SH3D19: variants seen among roughly 807,000 people sequenced by gnomAD.
SH3D19 encodes SH3 domain-containing protein 19.
SH3D19 carries 58 observed loss-of-function variants against 112.1 expected under a neutral mutation model. That is an observed-to-expected ratio of 0.52 (90% CI 0.42 to 0.64). The LOEUF is 0.64. SH3D19 is among the 30% of genes least tolerant of loss of function. The pLI is 0.00. For missense variants in SH3D19, 1,090 were observed against 1,263.4 expected (o/e 0.86, Z 2.08); for synonymous variants, 391 against 448.5 (o/e 0.87, Z 1.62).
At chr4:151,234,090 G>A (rs1470710886) in intron 1 of SH3D19, among the ~76,000 whole-genome samples, 3 of 152,046 alleles carry the variant, frequency 2.0e-5, no homozygotes, top group Non-Finnish European at 2.9e-5. Context: ...AGTGATTTTG[G>A]TGTCAACTTT....
At chr4:151,214,898 C>G (rs750758190) in intron 2 of SH3D19, among the ~76,000 whole-genome samples, 7 of 147,864 alleles carry the variant, frequency 4.7e-5, no homozygotes, top group Non-Finnish European at 1.1e-4. Context: ...GGCGGAGGGG[C>G]TCCTCACTTC....
At chr4:151,122,585 C>T (rs554413777) in intron 19 of SH3D19, among the ~76,000 whole-genome samples, 2 of 151,936 alleles carry the variant, frequency 1.3e-5, no homozygotes, top group Non-Finnish European at 2.9e-5. Context: ...GTTCTGAGCA[C>T]AATTAATATT....
rs143718798 is a variant in SH3D19 at position 151,152,135 on chromosome 4, A to G, written c.1756-2574T>C. Among the ~76,000 whole-genome samples the G allele has an allele frequency of 4.9e-3, 754 of 152,326 alleles. 5 individuals are homozygous for G. Among genetic ancestry groups the G allele is most frequent in the African/African-American group, 0.017 (702 of 41,574 alleles). On this transcript the variant is annotated intron_variant, in intron 9 of 19. Coordinates refer to ENST00000604030, the MANE Select transcript of SH3D19 (RefSeq NM_001378122.1). The stretch of plus-strand genomic sequence containing the variant: ...TTAGGGATGTTAGGCACATTCTGAA[A>G]GGCACTGCTGTATCTGACATACTCC...
At chr4:151,227,234 T>G (rs1379330212) in intron 1 of SH3D19, among the ~76,000 whole-genome samples, 1 of 152,190 alleles carries the variant, frequency 6.6e-6, no homozygotes, top group African/African-American at 2.4e-5. Flanking sequence ...AAACATACTC[T>G]AAAACTTCTA....
At chr4:151,283,379 CAGG>C in intron 1 of SH3D19, 2 of 1,142,434 alleles carry the variant, frequency 1.8e-6, no homozygotes, top group South Asian at 2.9e-5. Context: ...GATTGGGAGT[CAGG>C]AGATGAGGGT....
intron 19 of SH3D19, among the ~76,000 whole-genome samples, chr4:151,122,452 T>G (rs1172769316): frequency 6.6e-6 from 1 of 152,056 alleles, no homozygotes; most frequent in African/African-American, 2.4e-5. Context: ...TTATACTTTG[T>G]GCCTCTCAAA....
At chr4:151,251,174 T>C (rs1373635979) in intron 1 of SH3D19, among the ~76,000 whole-genome samples, 1 of 120,228 alleles carries the variant, frequency 8.3e-6, no homozygotes, top group African/African-American at 2.6e-5. Context: ...GCCAACCCAT[T>C]TGTTCTTTCT....
At chr4:151,253,471 T>G (rs903956435) in intron 1 of SH3D19, among the ~76,000 whole-genome samples, 1 of 152,226 alleles carries the variant, frequency 6.6e-6, no homozygotes, top group Non-Finnish European at 1.5e-5. Context: ...CCGGGCACAG[T>G]GGCTCACGCC....
chr4:151,283,012 G>A, intron 1 of SH3D19: 2 of 953,094 alleles, frequency 2.1e-6, no homozygotes, highest in South Asian at 4.0e-5. Context: ...GGCATTGTAA[G>A]CTGCTTTTGG....
chr4:151,135,016 A>G (rs1303920423), intron 15 of SH3D19, 58 bp downstream of exon 15: 31 of 1,389,234 alleles, frequency 2.2e-5, no homozygotes, highest in Non-Finnish European at 2.9e-5. Flanking sequence ...ATAATTCTTC[A>G]TGATATAGAT....
intron 10 of SH3D19, among the ~76,000 whole-genome samples, chr4:151,148,702 A>T (rs1471494340): frequency 2.0e-5 from 3 of 152,220 alleles, no homozygotes; most frequent in Non-Finnish European, 1.5e-5. Context: ...CTGAAAGGAT[A>T]GGACAACTAT....
intron 1 of SH3D19, among the ~76,000 whole-genome samples, chr4:151,305,117 C>A (rs1293011733): frequency 1.3e-5 from 2 of 152,146 alleles, no homozygotes; most frequent in Non-Finnish European, 2.9e-5. Context: ...ACAACCATAA[C>A]AAGCAGCAAT....
intron 1 of SH3D19, among the ~76,000 whole-genome samples, chr4:151,258,406 T>C (rs1288078429): frequency 1.3e-5 from 2 of 152,212 alleles, no homozygotes; most frequent in Non-Finnish European, 2.9e-5. Context: ...AAATCAGGGA[T>C]CTGCCCTCCA....
intron 12 of SH3D19, among the ~76,000 whole-genome samples, chr4:151,141,721 T>C (rs1753027387): frequency 6.6e-6 from 1 of 152,250 alleles, no homozygotes; most frequent in Non-Finnish European, 1.5e-5. Flanking sequence ...TTTTCTGATT[T>C]ACATCTGTGG....
chr4:151,295,870 T>C (rs1169983076), intron 1 of SH3D19, among the ~76,000 whole-genome samples: 1 of 152,076 alleles, frequency 6.6e-6, no homozygotes, highest in African/African-American at 2.4e-5. Flanking sequence ...ACCCTGTCTC[T>C]ACTAAAACAC....
At chr4:151,285,420 A>G (rs1774650562) in intron 1 of SH3D19, among the ~76,000 whole-genome samples, 1 of 152,218 alleles carries the variant, frequency 6.6e-6, no homozygotes, top group South Asian at 2.1e-4. Flanking sequence ...TCTAATCACA[A>G]TGGAATGAAA....
chr4:151,127,647 C>G lies in SH3D19; in HGVS notation c.2998G>C (p.Gly1000Arg), dbSNP rs146787893. The part of the protein sequence containing the change: ...RKAKALYDFR[G>R]ENEDELSFKA... ...AAGGAAAGTTCATCTTCATTCTCCCCTCGGAAATCATATAAGGCTTTGGCC... is the reference window on the plus strand; with the variant it reads ...AAGGAAAGTTCATCTTCATTCTCCCGTCGGAAATCATATAAGGCTTTGGCC... The change falls in exon 19 of 20, where the codon GGG (glycine) becomes CGG (arginine). Residue 1000 changes from glycine to arginine, a missense_variant. Coordinates refer to ENST00000604030, the MANE Select transcript of SH3D19 (RefSeq NM_001378122.1). The G allele has an allele frequency of 8.7e-6, 14 of 1,605,132 alleles. No homozygotes were observed. The highest frequency in any genetic ancestry group is 1.0e-5 in the Non-Finnish European group (12 of 1,176,982).
Position 151,127,681 on chromosome 4 carries a change from C to T in SH3D19, c.2964G>A (p.Lys988=), listed in dbSNP as rs780265394. ...CATATAAGGCTTTGGCCTTCCTCCC[C>T]TTCGGTACTATGGCCAACATACTTT... ...EAKSMLAIVP[K]GRKAKALYDF... Residue 988 remains lysine, a synonymous_variant, in exon 19 of 20, where the codon AAG becomes AAA. Transcript: ENST00000604030. 10 of 1,604,386 alleles carry T rather than the reference C, an allele frequency of 6.2e-6. No homozygotes were observed. The Admixed American group carries it at 1.7e-4, about 28-fold the overall frequency.
chr4:151,304,793 A>G (rs1728779891), intron 1 of SH3D19, among the ~76,000 whole-genome samples: 1 of 152,160 alleles, frequency 6.6e-6, no homozygotes, highest in African/African-American at 2.4e-5. Context: ...TATGCTCAGA[A>G]AAGACCTGAG....
Sources: gnomAD v4.1 joint callset for allele counts (sites outside exome capture counted in the v4.1 genomes callset) on GRCh38, gnomAD v4.1.1 for gene constraint, MANE v1.5 for transcripts, NCBI Gene and HGNC (gene_info 2026-07-23, HGNC 2026-07-21) for gene names.